The following DGKB variants were observed in gnomAD, a reference collection of about 807,000 sequenced individuals.
The protein encoded by DGKB is diacylglycerol kinase beta.
In DGKB, 67 loss-of-function variants were observed where a neutral mutation model predicts 114.3. The observed-to-expected ratio is 0.59, with a 90% confidence interval of 0.48 to 0.72. DGKB has a LOEUF of 0.72. DGKB is among the 30% of genes least tolerant of loss of function. The pLI, the probability that DGKB is intolerant of heterozygous loss-of-function variation, is 0.00. For synonymous variants in DGKB, 398 were observed against 323.1 expected (o/e 1.23, Z -2.49); for missense variants, 907 against 975.2 (o/e 0.93, Z 0.93).
Position 14,708,764 on chromosome 7 carries a change from G to A in DGKB, c.467-7034C>T, listed in dbSNP as rs1056393114. Among the ~76,000 whole-genome samples the A allele has an allele frequency of 2.2e-3, 331 of 149,778 alleles. 2 individuals are homozygous for A. Among genetic ancestry groups the A allele is most frequent in the Middle Eastern group, 0.01 (3 of 290 alleles). The stretch of plus-strand genomic sequence containing the variant: ...TGCTGGGAAAACTGGCTAGCCATAC[G>A]TAGAAAGCTGAAACTGGATCCCTTC... On this transcript the variant is annotated intron_variant, in intron 6 of 25. Transcript: ENST00000402815.
chr7:14,727,697 G>A (rs549569979), intron 5 of DGKB, among the ~76,000 whole-genome samples: 5 of 152,112 alleles, frequency 3.3e-5, no homozygotes, highest in Non-Finnish European at 5.9e-5. Flanking sequence ...AAGCTATGTA[G>A]TCTGTTCAGT....
intron 25 of DGKB, among the ~76,000 whole-genome samples, chr7:14,154,356 CA>C (rs1469354800): frequency 6.6e-6 from 1 of 151,700 alleles, no homozygotes; most frequent in Non-Finnish European, 1.5e-5. Context: ...TTGATTTAAA[CA>C]AAATTATTAT....
intron 23 of DGKB, among the ~76,000 whole-genome samples, chr7:14,221,412 T>C (rs1465225309): frequency 1.3e-5 from 2 of 151,412 alleles, no homozygotes; most frequent in Non-Finnish European, 3.0e-5. Flanking sequence ...GTACTTTATC[T>C]GTGTGTACTG....
intron 1 of DGKB, among the ~76,000 whole-genome samples, chr7:14,923,980 T>G: frequency 3.5e-5 from 2 of 57,698 alleles, no homozygotes; most frequent in East Asian, 0.011. Flanking sequence ...TGAAGCTCCA[T>G]CTCAAAAAAA....
chr7:14,745,604 C>A (rs1388056159), intron 4 of DGKB, among the ~76,000 whole-genome samples: 1 of 152,128 alleles, frequency 6.6e-6, no homozygotes, highest in Non-Finnish European at 1.5e-5. Flanking sequence ...AGACTAAGGG[C>A]CCACATGTGC....
At chr7:14,820,053 T>A (rs1010255689) in intron 2 of DGKB, among the ~76,000 whole-genome samples, 9 of 152,150 alleles carry the variant, frequency 5.9e-5, no homozygotes, top group Non-Finnish European at 4.4e-5. Context: ...AAAAGAGAGG[T>A]AGAAATTACA....
intron 20 of DGKB, among the ~76,000 whole-genome samples, chr7:14,524,240 T>A (rs1190839349): frequency 6.6e-6 from 1 of 152,188 alleles, no homozygotes; most frequent in Non-Finnish European, 1.5e-5. Flanking sequence ...AAAAATCTAC[T>A]GCTCCTGGAA....
intron 17 of DGKB, among the ~76,000 whole-genome samples, chr7:14,602,640 C>G (rs1319188427): frequency 6.6e-6 from 1 of 152,114 alleles, no homozygotes; most frequent in Non-Finnish European, 1.5e-5. Context: ...AAGAAGACAC[C>G]ACCTTGGAAA....
At chr7:14,684,107 C>T (rs1821285217) in intron 10 of DGKB, among the ~76,000 whole-genome samples, 1 of 152,112 alleles carries the variant, frequency 6.6e-6, no homozygotes, top group African/African-American at 2.4e-5. Context: ...CTGTCAGAGA[C>T]TATGTTACAC....
At chr7:14,874,588 T>C (rs1480149508) in intron 1 of DGKB, among the ~76,000 whole-genome samples, 9 of 151,370 alleles carry the variant, frequency 5.9e-5, no homozygotes, top group South Asian at 2.1e-4. Flanking sequence ...TAGAAGGATA[T>C]ACACACACAC....
chr7:14,517,450 C>A lies in DGKB; in HGVS notation c.1771-39225G>T, dbSNP rs1331903698. Among the ~76,000 whole-genome samples the A allele has an allele frequency of 4.0e-5, 6 of 150,148 alleles. No homozygotes were observed. The South Asian group carries it at 8.4e-4, about 21-fold the overall frequency. Reference sequence around the variant, plus strand: ...AGCAATTGCAAAAAGAAAAAAAAAACCCAAAAATTAACAAATGGGACCTAA... The same window carrying A: ...AGCAATTGCAAAAAGAAAAAAAAAAACCAAAAATTAACAAATGGGACCTAA... On this transcript the variant is annotated intron_variant, in intron 20 of 25. Coordinates refer to ENST00000402815, the MANE Select transcript of DGKB (RefSeq NM_001350709.2).
chr7:14,450,745 AG>A (rs1268985743), intron 21 of DGKB, among the ~76,000 whole-genome samples: 3 of 152,100 alleles, frequency 2.0e-5, no homozygotes, highest in Admixed American at 2.0e-4. Context: ...AAAGAGCAGA[AG>A]GAGGTGTCCT....
intron 25 of DGKB, among the ~76,000 whole-genome samples, chr7:14,170,115 C>T (rs1480609277): frequency 4.7e-5 from 5 of 106,998 alleles, no homozygotes; most frequent in Non-Finnish European, 9.7e-5. Context: ...GCCTGGGCAA[C>T]AAGAGAGAAA....
intron 2 of DGKB, among the ~76,000 whole-genome samples, chr7:14,833,708 A>C (rs1007936638): frequency 1.3e-5 from 2 of 152,108 alleles, no homozygotes; most frequent in African/African-American, 4.8e-5. Flanking sequence ...ATGCATGCTC[A>C]TACACAAATA....
rs758465477 is a variant in DGKB, at chr7:14,655,985, C to G, written c.1134+16944G>C. Among the ~76,000 whole-genome samples the G allele has an allele frequency of 4.9e-4, 74 of 151,410 alleles. 2 individuals are homozygous for G. Among genetic ancestry groups the G allele is most frequent in the Non-Finnish European group, 1.0e-4 (7 of 67,650 alleles). On this transcript the variant is annotated intron_variant, in intron 13 of 25. Coordinates refer to ENST00000402815, the MANE Select transcript of DGKB (RefSeq NM_001350709.2). ...AGCACTATAATGTGAATAGAGCTAA[C>G]AATAATTTATTGTGTATGTTCAAAA...
At chr7:14,847,258 T>G (rs1435853781) in intron 1 of DGKB, among the ~76,000 whole-genome samples, 1 of 132,424 alleles carries the variant, frequency 7.6e-6, no homozygotes, top group Non-Finnish European at 1.5e-5. Context: ...GCCACTGCAC[T>G]CCAGCCTGGG....
At chr7:14,230,018 C>A (rs115206546) in intron 23 of DGKB, among the ~76,000 whole-genome samples, 1 of 151,772 alleles carries the variant, frequency 6.6e-6, no homozygotes, top group Admixed American at 6.6e-5. Context: ...GGAGGAGGTG[C>A]GAAAAAGAGT....
intron 2 of DGKB, among the ~76,000 whole-genome samples, chr7:14,758,928 G>GATAGATAGATAGATAGATACATAGATAC (rs376591211): frequency 9.5e-5 from 14 of 146,954 alleles, no homozygotes; most frequent in Middle Eastern, 3.6e-3. Flanking sequence ...TAGATAGATA[G>GATAGATAGATAGATAGATACATAGATAC]ATAGATACAT....
rs1254005189 is a variant in DGKB, at chr7:14,698,103, G to A, written c.583C>T (p.Leu195Phe). ...ATCATTCATATACCTACTGGATTAAGTTCAGTGACATCCCACTCAAGGTAT... is the reference window on the plus strand; with the variant it reads ...ATCATTCATATACCTACTGGATTAAATTCAGTGACATCCCACTCAAGGTAT... ...AEYLEWDVTE[L>F]NPILHEMMEE... is the part of the protein sequence containing the mutation. Residue 195 changes from leucine to phenylalanine, a missense_variant, in exon 8 of 26, where the codon CTT becomes TTT. Transcript: ENST00000402815. 1 of 1,541,348 alleles carries A rather than the reference G, an allele frequency of 6.5e-7. No homozygotes were observed. Among genetic ancestry groups the A allele is most frequent in the Non-Finnish European group, 8.8e-7 (1 of 1,139,634 alleles).
Sources: allele counts gnomAD v4.1 joint callset (sites outside exome capture counted in the v4.1 genomes callset), GRCh38; gene constraint gnomAD v4.1.1; transcripts MANE v1.5; gene names NCBI Gene and HGNC (gene_info 2026-07-23, HGNC 2026-07-21).